STON2: variants seen among roughly 807,000 people sequenced by gnomAD.
STON2 encodes the protein stonin-2.
Under a neutral mutation model 65.7 loss-of-function variants are expected in STON2, and 29 were observed. The observed-to-expected ratio is 0.44, with a 90% CI of 0.33 to 0.60. The LOEUF is 0.60. Ranked by LOEUF, STON2 falls within the 20% of genes least tolerant of loss-of-function variation. STON2 has a pLI of 0.03. For missense variants in STON2, 1,054 were observed against 1,118.1 expected, an observed-to-expected ratio of 0.94 and a Z score of 0.82; for synonymous variants, 404 against 414.2, an observed-to-expected ratio of 0.98 and a Z score of 0.30.
upstream of STON2, among the ~76,000 whole-genome samples, chr14:81,404,555 G>A (rs1218301302): frequency 1.3e-5 from 2 of 152,142 alleles, no homozygotes; most frequent in African/African-American, 4.8e-5. Context: ...TCATGCTGGA[G>A]TACAGGGCAC....
intron 3 of STON2, among the ~76,000 whole-genome samples, chr14:81,373,697 C>T (rs1377767239): frequency 6.6e-6 from 1 of 152,020 alleles, no homozygotes; most frequent in Admixed American, 6.5e-5. Flanking sequence ...CTAGGGCCAA[C>T]CGAAGATGGG....
At chr14:81,308,825 TGTGTGTGTGTGTATATATATATATATAC>T (rs1464966938) in intron 5 of STON2, among the ~76,000 whole-genome samples, 139 of 6,732 alleles carry the variant, frequency 0.021, 5 homozygotes, top group South Asian at 0.13. Flanking sequence ...TATATATATA[TGTGTGTGTGTGTATATATATATATATAC>T]ACATACATAC....
At chr14:81,371,238 T>G in intron 3 of STON2, 53 bp from the exon 4 acceptor site, 8 of 1,519,560 alleles carry the variant, frequency 5.3e-6, no homozygotes, top group Non-Finnish European at 7.3e-6. Context: ...TGTACTTTGT[T>G]TATCTTTAGT....
intron 5 of STON2, among the ~76,000 whole-genome samples, chr14:81,317,328 A>C (rs1031428094): frequency 6.6e-6 from 1 of 152,208 alleles, no homozygotes; most frequent in Non-Finnish European, 1.5e-5. Flanking sequence ...CCCACCTCCA[A>C]AATAGGGGAT....
At chr14:81,326,408 C>T (rs1025452048) in intron 4 of STON2, among the ~76,000 whole-genome samples, 1 of 152,126 alleles carries the variant, frequency 6.6e-6, no homozygotes, top group African/African-American at 2.4e-5. Context: ...ACAACCCCTC[C>T]TTTTTACTGA....
chr14:81,340,050 A>G (rs1416776413), intron 4 of STON2, among the ~76,000 whole-genome samples: 2 of 152,288 alleles, frequency 1.3e-5, no homozygotes, highest in Admixed American at 1.3e-4. Flanking sequence ...GCTACTCGGG[A>G]GGCTGAGGCA....
rs2140355000 is a variant in STON2 at position 81,366,906 on chromosome 14, G to A, written c.571+4082C>T. On this transcript the variant is annotated intron_variant, in intron 4 of 7. Transcript: ENST00000614646. ...TATACCCTGTCACCCTGACTGAGCA[G>A]GATCGCTCAGTTCCATTTTACAGAT... Among the ~76,000 whole-genome samples the A allele has an allele frequency of 2.0e-5, 3 of 152,268 alleles. No individual in the cohort carries two copies. The South Asian group carries it at 6.2e-4, about 31-fold the overall frequency.
chr14:81,331,323 CTG>C (rs1897206455), intron 4 of STON2, among the ~76,000 whole-genome samples: 1 of 152,228 alleles, frequency 6.6e-6, no homozygotes, highest in East Asian at 1.9e-4. Context: ...GCACCAGACA[CTG>C]TGCTAATTTC....
intron 3 of STON2, among the ~76,000 whole-genome samples, chr14:81,386,873 C>A (rs1184988867): frequency 6.6e-6 from 1 of 152,140 alleles, no homozygotes; most frequent in Non-Finnish European, 1.5e-5. Context: ...AACACACCCA[C>A]ACTTGTAAAA....
chr14:81,321,370 TAAA>T (rs566882924), intron 5 of STON2, among the ~76,000 whole-genome samples: 11 of 126,682 alleles, frequency 8.7e-5, no homozygotes, highest in Admixed American at 1.6e-4. Context: ...GTTTCTACTT[TAAA>T]AAAAAAAAAA....
intron 2 of STON2, among the ~76,000 whole-genome samples, chr14:81,397,613 C>G (rs1167544871): frequency 6.6e-6 from 1 of 152,170 alleles, no homozygotes; most frequent in Non-Finnish European, 1.5e-5. Context: ...TCAGTTGGCA[C>G]TGGTAGCTGT....
intron 4 of STON2, among the ~76,000 whole-genome samples, chr14:81,343,296 A>C (rs968657227): frequency 1.6e-4 from 24 of 152,192 alleles, no homozygotes; most frequent in Admixed American, 5.2e-4. Context: ...GAAAGCAGTA[A>C]GTCTCCTGGG....
At chr14:81,318,483 T>C (rs1462159281) in intron 5 of STON2, among the ~76,000 whole-genome samples, 1 of 152,222 alleles carries the variant, frequency 6.6e-6, no homozygotes, top group African/African-American at 2.4e-5. Flanking sequence ...GAAGAGTATT[T>C]TAATGGCTCT....
chr14:81,265,905 G>T lies in STON2; in HGVS notation c.*2509C>A, dbSNP rs1174839888. 7 of 985,178 alleles carry T rather than the reference G, an allele frequency of 7.1e-6. No individual in the cohort carries two copies. The highest frequency in any genetic ancestry group is 6.2e-5 in the Admixed American group (1 of 16,252). 61.0% of individuals were successfully genotyped at this position (985,178 alleles called of 1,614,324 possible). On this transcript the variant is annotated 3_prime_UTR_variant, in exon 8 of 8. Coordinates refer to ENST00000614646, the MANE Select transcript of STON2 (RefSeq NM_001394390.1). ...AGAGTGCTAAGCGTGAGTGACTAAG[G>T]AAGGTGCTGGGATGAGCTTCATTTC... is the stretch of plus-strand genomic sequence containing the variant.
intron 4 of STON2, among the ~76,000 whole-genome samples, chr14:81,358,244 T>C (rs1034614614): frequency 1.3e-5 from 2 of 151,834 alleles, no homozygotes; most frequent in Non-Finnish European, 2.9e-5. Flanking sequence ...CAAAATAATA[T>C]AAATTCTGAC....
chr14:81,412,844 A>G lies in STON2; in HGVS notation c.-199+14258T>C. On this transcript the variant is annotated intron_variant, in intron 2 of 8. Transcript: ENST00000553821. The stretch of plus-strand genomic sequence containing the variant: ...TTGTGACCTTTAAAACTTTCTGTCA[A>G]ACATTAAAAGCTTTCTTCTTAGAGG... 4.0e-6 allele frequency: 2 copies of G among 495,174 alleles called. 1 individual carries two copies. The highest frequency in any genetic ancestry group is 4.7e-5 in the African/African-American group (2 of 42,440). 30.7% of individuals were successfully genotyped at this position (495,174 alleles called of 1,614,324 possible). A position where few individuals can be genotyped will look rare whatever the true frequency, so the allele number is the denominator to read the frequency against.
At chr14:81,339,473 T>C (rs1279998890) in intron 4 of STON2, among the ~76,000 whole-genome samples, 1 of 152,076 alleles carries the variant, frequency 6.6e-6, no homozygotes, top group East Asian at 1.9e-4. Flanking sequence ...CAACCATCAC[T>C]GTGGGAAAGA....
intron 5 of STON2, among the ~76,000 whole-genome samples, chr14:81,306,165 C>A (rs1470026075): frequency 3.5e-5 from 5 of 144,898 alleles, no homozygotes; most frequent in African/African-American, 1.3e-4. Flanking sequence ...CTCTCTCTCT[C>A]TCTATATATA....
chr14:81,271,029 G>A (rs1296821170), intron 6 of STON2, among the ~76,000 whole-genome samples, 157 bp from the exon 7 acceptor site: 2 of 152,170 alleles, frequency 1.3e-5, no homozygotes, highest in African/African-American at 2.4e-5. Context: ...GCCCGGCTCA[G>A]CAGAATTCAC....
Sources: gnomAD v4.1 joint callset for allele counts (sites outside exome capture counted in the v4.1 genomes callset) on GRCh38, gnomAD v4.1.1 for gene constraint, MANE v1.5 for transcripts, NCBI Gene and HGNC (gene_info 2026-07-23, HGNC 2026-07-21) for gene names.